IL18: variants seen among roughly 807,000 people sequenced by gnomAD.
IL18 encodes the protein interleukin-18.
Under a neutral mutation model 14.2 loss-of-function variants are expected in IL18, and 8 were observed. The observed-to-expected ratio is 0.56, with a 90% confidence interval of 0.33 to 1.01. IL18 has a LOEUF of 1.01. Among genes scored for constraint, IL18 ranks in the 50% least tolerant of loss-of-function variants. The probability of loss-of-function intolerance (pLI) is 0.03; values close to 1 mark genes in which losing one functional copy is unlikely to be tolerated. For synonymous variants in IL18, 67 were observed against 71.0 expected (o/e 0.94, Z 0.28); for missense variants, 166 against 231.1 (o/e 0.72, Z 1.83).
intron 2 of IL18, among the ~76,000 whole-genome samples, chr11:112,154,382 C>T (rs1371359693): frequency 6.6e-6 from 1 of 151,782 alleles, no homozygotes; most frequent in Non-Finnish European, 1.5e-5. Context: ...AAAAATTAGC[C>T]AGGCATGGTG....
At chr11:112,155,774 G>A (rs2135319731) in intron 1 of IL18, among the ~76,000 whole-genome samples, 1 of 152,276 alleles carries the variant, frequency 6.6e-6, no homozygotes, top group South Asian at 2.1e-4. Flanking sequence ...ACGGTGTGCA[G>A]GCTTCCAGAA....
chr11:112,153,653 G>T, intron 2 of IL18, 50 bp from the exon 3 acceptor site: 1 of 1,358,502 alleles, frequency 7.4e-7, no homozygotes, highest in Non-Finnish European at 1.0e-6. Context: ...TTTGTATTTC[G>T]ACTCAGAATT....
chr11:112,149,371 A>G (rs1293815485), intron 4 of IL18, among the ~76,000 whole-genome samples: 1 of 152,066 alleles, frequency 6.6e-6, no homozygotes, highest in Non-Finnish European at 1.5e-5. Flanking sequence ...TGAGTATTTT[A>G]AAGATATGAA....
intron 1 of IL18, among the ~76,000 whole-genome samples, chr11:112,160,341 C>T (rs1566747417): frequency 6.8e-6 from 1 of 146,040 alleles, no homozygotes; most frequent in African/African-American, 2.5e-5. Context: ...GCAAACCCTG[C>T]CTCATCTTTC....
chr11:112,163,870 C>G (rs1200380489), intron 1 of IL18, 36 bp downstream of exon 1: 1 of 152,364 alleles, frequency 6.6e-6, no homozygotes, highest in African/African-American at 2.4e-5. Flanking sequence ...ATTGCCATGG[C>G]TGACTTTCCA....
chr11:112,151,746 G>A (rs1866442686), intron 3 of IL18, among the ~76,000 whole-genome samples: 1 of 152,086 alleles, frequency 6.6e-6, no homozygotes. Flanking sequence ...GCTGTGTTCT[G>A]GCCCTTGATT....
chr11:112,148,437 T>C (rs1339769898), intron 5 of IL18, among the ~76,000 whole-genome samples, 166 bp downstream of exon 5: 1 of 152,188 alleles, frequency 6.6e-6, no homozygotes, highest in Non-Finnish European at 1.5e-5. Context: ...GTATTCATTT[T>C]AATGGTTCTC....
chr11:112,152,582 A>G (rs1432024074), intron 3 of IL18, among the ~76,000 whole-genome samples: 1 of 152,174 alleles, frequency 6.6e-6, no homozygotes, highest in Non-Finnish European at 1.5e-5. Context: ...ATTCTAGTCA[A>G]TGGAATATGA....
chr11:112,148,631 G>A lies in IL18; in HGVS notation c.332C>T (p.Ser111Phe), dbSNP rs1866381826. The stretch of plus-strand genomic sequence containing the variant: ...AAAGGAAATAATTTTGTTCTCACAG[G>A]AGAGAGTTGAAATTTTCTCACACTT... ...SVKCEKISTL[S>F]CENKIISFKE... The change falls in exon 5 of 6, where the codon TCC becomes TTC. Residue 111 changes from serine to phenylalanine, a missense_variant. Coordinates refer to ENST00000280357, the MANE Select transcript of IL18 (RefSeq NM_001562.4). 1 of 1,518,030 alleles carries A rather than the reference G, an allele frequency of 6.6e-7. No individual in the cohort carries two copies. The highest frequency in any genetic ancestry group is 8.9e-7 in the Non-Finnish European group (1 of 1,128,144). 94.0% of individuals were successfully genotyped at this position (1,518,030 alleles called of 1,614,324 possible). A position where few individuals can be genotyped will look rare whatever the true frequency, so the allele number is the denominator to read the frequency against.
chr11:112,147,835 G>A (rs1312905795), intron 5 of IL18, among the ~76,000 whole-genome samples: 1 of 152,180 alleles, frequency 6.6e-6, no homozygotes, highest in African/African-American at 2.4e-5. Flanking sequence ...TTCATGACAT[G>A]GAATTCTCCT....
intron 5 of IL18, among the ~76,000 whole-genome samples, chr11:112,146,957 T>G (rs751662557): frequency 2.7e-4 from 39 of 144,942 alleles, no homozygotes; most frequent in Non-Finnish European, 4.5e-4. Flanking sequence ...TGAGACCGAG[T>G]TTTGCTCTTG....
intron 5 of IL18, among the ~76,000 whole-genome samples, chr11:112,144,316 T>C (rs1866299382): frequency 6.6e-6 from 1 of 152,216 alleles, no homozygotes; most frequent in African/African-American, 2.4e-5. Flanking sequence ...CACTGCAGCC[T>C]TGAATTCCTG....
chr11:112,155,584 G>C (rs1866518568), intron 1 of IL18, among the ~76,000 whole-genome samples: 1 of 152,136 alleles, frequency 6.6e-6, no homozygotes, highest in East Asian at 1.9e-4. Flanking sequence ...GAAGGGCTCT[G>C]GCATTTGGTG....
intron 1 of IL18, among the ~76,000 whole-genome samples, chr11:112,158,422 T>G (rs765222914): frequency 3.3e-5 from 5 of 152,200 alleles, no homozygotes; most frequent in Admixed American, 6.5e-5. Context: ...ACTAGTGTTT[T>G]GTAGCCTGCT....
intron 5 of IL18, among the ~76,000 whole-genome samples, chr11:112,145,220 G>C (rs1253912949): frequency 1.3e-5 from 2 of 152,204 alleles, no homozygotes; most frequent in African/African-American, 2.4e-5. Context: ...CTTGACCTTT[G>C]TTCTTTATCA....
intron 5 of IL18, among the ~76,000 whole-genome samples, chr11:112,145,643 G>C (rs1055183391): frequency 5.3e-5 from 8 of 152,108 alleles, no homozygotes; most frequent in Non-Finnish European, 8.8e-5. Flanking sequence ...GGAGGGTGAG[G>C]CAGGAGAATG....
chr11:112,161,204 G>C (rs1174258324), intron 1 of IL18, among the ~76,000 whole-genome samples: 1 of 152,178 alleles, frequency 6.6e-6, no homozygotes, highest in Non-Finnish European at 1.5e-5. Flanking sequence ...CCAGAGGCTA[G>C]TGAATGGTAG....
intron 1 of IL18, among the ~76,000 whole-genome samples, chr11:112,161,539 CTG>C (rs1866632474): frequency 6.6e-6 from 1 of 152,202 alleles, no homozygotes; most frequent in African/African-American, 2.4e-5. Flanking sequence ...TGGCTTATGC[CTG>C]TAATACCAGC....
intron 1 of IL18, among the ~76,000 whole-genome samples, chr11:112,161,323 G>A (rs360714): frequency 0.95 from 145,159 of 152,274 alleles, 69,324 homozygotes; most frequent in East Asian, 1. Context: ...TGGCTAGTCA[G>A]TCTTTAAGGT....
Sources: gnomAD v4.1 joint callset for allele counts (sites outside exome capture counted in the v4.1 genomes callset) on GRCh38, gnomAD v4.1.1 for gene constraint, MANE v1.5 for transcripts, NCBI Gene and HGNC (gene_info 2026-07-23, HGNC 2026-07-21) for gene names.